The following COL27A1 variants were observed in gnomAD, a reference collection of about 807,000 sequenced individuals.
COL27A1 encodes collagen alpha-1(XXVII) chain.
COL27A1 carries 106 observed loss-of-function variants against 251.3 expected under a neutral mutation model. The observed-to-expected ratio is 0.42, with a 90% confidence interval of 0.36 to 0.50. The LOEUF (loss-of-function observed/expected upper bound fraction) is 0.50, where lower values mean the gene tolerates loss of function less well. COL27A1 is among the 20% of genes least tolerant of loss of function. The probability of loss-of-function intolerance (pLI) is 0.00; values close to 1 mark genes in which losing one functional copy is unlikely to be tolerated. For missense variants in COL27A1, 2,325 were observed against 2,522.8 expected (o/e 0.92, Z 1.68); for synonymous variants, 1,000 against 986.3 (o/e 1.01, Z -0.26).
chr9:114,284,806 G>A, intron 41 of COL27A1, 29 bp downstream of exon 41: 1 of 1,613,006 alleles, frequency 6.2e-7, no homozygotes, highest in Non-Finnish European at 8.5e-7. Context: ...GAAAGCAGCT[G>A]CACCCTCGTG....
intron 27 of COL27A1, among the ~76,000 whole-genome samples, chr9:114,255,657 C>T (rs2135547128): frequency 6.6e-6 from 1 of 152,250 alleles, no homozygotes; most frequent in African/African-American, 2.4e-5. Flanking sequence ...AGTGGGTTGG[C>T]TCAGGCTTGG....
intron 4 of COL27A1, among the ~76,000 whole-genome samples, chr9:114,181,525 AAGAGGGCAGTGTGCCT>A (rs1827914462): frequency 6.6e-6 from 1 of 152,208 alleles, no homozygotes; most frequent in Non-Finnish European, 1.5e-5. Flanking sequence ...AGGGACGGGG[AAGAGGGCAGTGTGCCT>A]AGAGGCTGGT....
chr9:114,291,468 G>C (rs1827911986), intron 48 of COL27A1, among the ~76,000 whole-genome samples: 1 of 152,186 alleles, frequency 6.6e-6, no homozygotes. Flanking sequence ...AGGGGAAAAG[G>C]TGGCCACACA....
chr9:114,158,841 A>G (rs1848302681), intron 1 of COL27A1, among the ~76,000 whole-genome samples: 1 of 152,220 alleles, frequency 6.6e-6, no homozygotes, highest in Non-Finnish European at 1.5e-5. Context: ...AGTCCCTGCA[A>G]GTCTCCAATT....
chr9:114,191,187 A>G (rs1387514636), intron 5 of COL27A1, among the ~76,000 whole-genome samples: 1 of 152,186 alleles, frequency 6.6e-6, no homozygotes, highest in African/African-American at 2.4e-5. Context: ...CATCTGCAGT[A>G]TATCAAAATG....
chr9:114,300,998 C>T (rs972807075), intron 51 of COL27A1, 74 bp from the exon 52 acceptor site: 50 of 1,442,620 alleles, frequency 3.5e-5, no homozygotes, highest in Non-Finnish European at 4.7e-5. Flanking sequence ...GCTCGGGCTG[C>T]CCTCCACCCC....
Position 114,169,314 on chromosome 9 carries a change from ACCCCGGCCCTGGTATTGG to A in COL27A1, c.1767_1784del (p.Leu590_Ala595del). The A allele has an allele frequency of 6.2e-7, 1 of 1,611,548 alleles. No homozygotes were observed. The highest frequency in any genetic ancestry group is 8.5e-7 in the Non-Finnish European group (1 of 1,179,144). On this transcript the variant is annotated inframe_deletion, in exon 3 of 61. Coordinates refer to ENST00000356083, the MANE Select transcript of COL27A1 (RefSeq NM_032888.4). ...ACAGCCCCAGCCCAGTCAGCAGACCACCCCGGCCCTGGTATTGGCCCCGGCGCAATTCCTGTCCTCCAG... is the reference window on the plus strand; with the variant it reads ...ACAGCCCCAGCCCAGTCAGCAGACCACCCCGGCGCAATTCCTGTCCTCCAG...
At chr9:114,258,027 G>A (rs538155345) in intron 27 of COL27A1, among the ~76,000 whole-genome samples, 2 of 152,162 alleles carry the variant, frequency 1.3e-5, no homozygotes, top group East Asian at 3.9e-4. Context: ...GTGAGACCCT[G>A]TCTCCACAAA....
At chr9:114,230,506 G>C (rs929373785) in intron 14 of COL27A1, among the ~76,000 whole-genome samples, 2 of 152,146 alleles carry the variant, frequency 1.3e-5, no homozygotes, top group African/African-American at 4.8e-5. Context: ...ATCTGAAGCT[G>C]GGTCTCCAAC....
chr9:114,228,420 G>A (rs1027254543), intron 14 of COL27A1, among the ~76,000 whole-genome samples: 1 of 152,210 alleles, frequency 6.6e-6, no homozygotes, highest in African/African-American at 2.4e-5. Context: ...CTTCGTCCAG[G>A]AAAGGAGAGA....
chr9:114,307,496 C>T (rs751626424), intron 58 of COL27A1, 173 bp from the exon 59 acceptor site: 11 of 607,976 alleles, frequency 1.8e-5, no homozygotes, highest in Non-Finnish European at 3.0e-5. Flanking sequence ...GTGAGCTCTG[C>T]CCAGAAGGTT....
rs181877529 is a variant in COL27A1 at position 114,270,907 on chromosome 9, A to G, written c.3609+126A>G. 39 of 755,992 alleles carry G rather than the reference A, an allele frequency of 5.2e-5. No homozygotes were observed. In the Admixed American group the frequency reaches 8.8e-4, roughly 17 times the overall value. The allele number at this position is 755,992 out of a possible 1,614,324, so 46.8% of individuals were successfully genotyped here. On this transcript the variant is annotated intron_variant, in intron 36 of 60. Transcript: ENST00000356083. ...ATCTGAGATGACAGCTCCAGCTCCC[A>G]TTGACAGCAGCTTGGGGAAGGGTCA... is the stretch of plus-strand genomic sequence containing the variant.
intron 27 of COL27A1, among the ~76,000 whole-genome samples, chr9:114,256,501 A>G (rs1161370281): frequency 6.6e-6 from 1 of 152,122 alleles, no homozygotes. Flanking sequence ...TCAACAAAAA[A>G]AGATTATTAT....
chr9:114,162,647 C>A (rs931311436), intron 1 of COL27A1, 68 bp from the exon 2 acceptor site: 25 of 1,216,496 alleles, frequency 2.1e-5, no homozygotes, highest in Non-Finnish European at 2.9e-5. Context: ...CTCCCAGCTT[C>A]CCCAGCCGGA....
intron 49 of COL27A1, among the ~76,000 whole-genome samples, chr9:114,297,409 A>G (rs2131647117): frequency 6.6e-6 from 1 of 152,328 alleles, no homozygotes; most frequent in Admixed American, 6.5e-5. Flanking sequence ...CCTTATGAAT[A>G]CAGATACAAA....
At chr9:114,246,346 T>A (rs1833130114) in intron 24 of COL27A1, among the ~76,000 whole-genome samples, 1 of 151,310 alleles carries the variant, frequency 6.6e-6, no homozygotes, top group South Asian at 2.1e-4. Context: ...GAAGATGAAA[T>A]CCAAACCAGT....
chr9:114,216,373 A>C (rs977213368), intron 12 of COL27A1, among the ~76,000 whole-genome samples: 5 of 152,212 alleles, frequency 3.3e-5, no homozygotes, highest in African/African-American at 1.2e-4. Flanking sequence ...CATGCATGCC[A>C]TGTGGTCGCC....
chr9:114,193,779 CA>C (rs1038116201), intron 5 of COL27A1, among the ~76,000 whole-genome samples: 1 of 151,902 alleles, frequency 6.6e-6, no homozygotes, highest in Non-Finnish European at 1.5e-5. Context: ...TCTGGAAAAT[CA>C]AAAAGTATTG....
intron 37 of COL27A1, among the ~76,000 whole-genome samples, chr9:114,278,337 GTGC>G (rs1835637870): frequency 3.0e-5 from 1 of 33,852 alleles, no homozygotes; most frequent in Admixed American, 3.5e-4. Flanking sequence ...GGTGATGGTG[GTGC>G]TGGTGCTGGT....
Sources: gnomAD v4.1 joint callset for allele counts (sites outside exome capture counted in the v4.1 genomes callset) on GRCh38, gnomAD v4.1.1 for gene constraint, MANE v1.5 for transcripts, NCBI Gene and HGNC (gene_info 2026-07-23, HGNC 2026-07-21) for gene names.